Variants in DPYD observed in about 807,000 individuals in gnomAD.
DPYD encodes the protein dihydropyrimidine dehydrogenase [NADP(+)].
In DPYD, 109 loss-of-function variants were observed where a neutral mutation model predicts 116.2. That is an observed-to-expected ratio of 0.94 (90% CI 0.80 to 1.10). The LOEUF (loss-of-function observed/expected upper bound fraction) is 1.10, where lower values mean the gene tolerates loss of function less well. DPYD is among the 50% of genes least tolerant of loss of function. The pLI is 0.00. For missense variants in DPYD, 1,302 were observed against 1,254.5 expected (o/e 1.04, Z -0.57); for synonymous variants, 440 against 432.0 (o/e 1.02, Z -0.23).
intron 20 of DPYD, among the ~76,000 whole-genome samples, chr1:97,147,576 A>G (rs1654717187): frequency 6.6e-6 from 1 of 152,198 alleles, no homozygotes; most frequent in Non-Finnish European, 1.5e-5. Flanking sequence ...GTCTACAGTT[A>G]TAGCGCAGAA....
intron 3 of DPYD, chr1:97,774,853 G>T: frequency 5.1e-6 from 1 of 196,792 alleles, no homozygotes; most frequent in South Asian, 1.1e-4. Context: ...TGACGATTTT[G>T]AACATTTTAA....
chr1:97,195,569 C>CATAT (rs1200424384), intron 19 of DPYD, among the ~76,000 whole-genome samples: 771 of 37,314 alleles, frequency 0.021, 15 homozygotes, highest in Non-Finnish European at 0.03. Context: ...ACAGAACTCT[C>CATAT]ATATATATAT....
intron 3 of DPYD, among the ~76,000 whole-genome samples, chr1:97,809,571 A>G (rs1335605222): frequency 6.6e-6 from 1 of 152,228 alleles, no homozygotes; most frequent in Non-Finnish European, 1.5e-5. Flanking sequence ...TTTAAAAAAG[A>G]CTAGAAGAGT....
At chr1:97,725,690 A>G (rs1663216072) in intron 4 of DPYD, among the ~76,000 whole-genome samples, 1 of 151,676 alleles carries the variant, frequency 6.6e-6, no homozygotes, top group Non-Finnish European at 1.5e-5. Flanking sequence ...AGGCAATTCA[A>G]TTGGAAAGAA....
intron 20 of DPYD, among the ~76,000 whole-genome samples, chr1:97,154,018 G>A (rs2101726142): frequency 6.7e-6 from 1 of 149,622 alleles, no homozygotes; most frequent in East Asian, 2.0e-4. Context: ...GTGATGTGAT[G>A]AAAAGGGAAC....
intron 16 of DPYD, among the ~76,000 whole-genome samples, chr1:97,329,003 T>A (rs1417673468): frequency 7.9e-5 from 12 of 152,136 alleles, no homozygotes; most frequent in African/African-American, 2.9e-4. Flanking sequence ...TTGTTTAAAG[T>A]TTGATTAGAG....
chr1:97,322,334 TTTTG>T (rs74939310), intron 16 of DPYD, among the ~76,000 whole-genome samples: 36,514 of 151,472 alleles, frequency 0.24, 5,477 homozygotes, highest in Admixed American at 0.39. Flanking sequence ...ATCTAGGCCA[TTTTG>T]TTTGTTTGTT....
At chr1:97,402,188 A>G (rs1487591132) in intron 14 of DPYD, among the ~76,000 whole-genome samples, 1 of 152,074 alleles carries the variant, frequency 6.6e-6, no homozygotes, top group East Asian at 1.9e-4. Flanking sequence ...CTGTGATTAC[A>G]TTGCATCTAT....
intron 3 of DPYD, among the ~76,000 whole-genome samples, chr1:97,814,930 G>GAAATAA: frequency 9.1e-6 from 1 of 109,754 alleles, no homozygotes; most frequent in Admixed American, 1.1e-4. Flanking sequence ...AAGAAAGAGA[G>GAAATAA]AGGAAAGAAA....
intron 20 of DPYD, among the ~76,000 whole-genome samples, chr1:97,177,116 T>G (rs1657334819): frequency 6.6e-6 from 1 of 152,162 alleles, no homozygotes; most frequent in Admixed American, 6.6e-5. Flanking sequence ...ATATTATTAA[T>G]AACTGTTTAA....
chr1:97,327,275 C>T (rs2101141719), intron 16 of DPYD, among the ~76,000 whole-genome samples: 1 of 152,124 alleles, frequency 6.6e-6, no homozygotes, highest in South Asian at 2.1e-4. Flanking sequence ...GACTCTGCTT[C>T]TCATAATATT....
At chr1:97,495,767 C>T (rs1679226805) in intron 13 of DPYD, among the ~76,000 whole-genome samples, 1 of 151,954 alleles carries the variant, frequency 6.6e-6, no homozygotes, top group Admixed American at 6.6e-5. Context: ...ATTTAACATC[C>T]TGTTCTGTTA....
intron 13 of DPYD, chr1:97,514,105 G>A (rs1305730333): frequency 2.7e-6 from 2 of 741,108 alleles, no homozygotes; most frequent in Non-Finnish European, 3.3e-6. Context: ...CTCCCCTTTT[G>A]AACCAGCATC....
chr1:97,142,283 C>A (rs1654283451), intron 20 of DPYD, among the ~76,000 whole-genome samples: 1 of 152,096 alleles, frequency 6.6e-6, no homozygotes, highest in African/African-American at 2.4e-5. Context: ...TAGACTTTGG[C>A]AAGCATTTCT....
intron 14 of DPYD, among the ~76,000 whole-genome samples, chr1:97,390,520 T>C (rs1209001290): frequency 1.3e-5 from 2 of 152,080 alleles, no homozygotes; most frequent in Non-Finnish European, 1.5e-5. Flanking sequence ...CTGAAATATA[T>C]ACATTGACTA....
intron 16 of DPYD, among the ~76,000 whole-genome samples, chr1:97,364,599 GAACAAA>G (rs1381707780): frequency 4.6e-5 from 7 of 152,014 alleles, no homozygotes; most frequent in Non-Finnish European, 8.8e-5. Flanking sequence ...TTTGGTGAGA[GAACAAA>G]AACAAAGTTA....
At chr1:97,309,332 TG>T (rs1212187385) in intron 16 of DPYD, among the ~76,000 whole-genome samples, 1 of 5,080 alleles carries the variant, frequency 2.0e-4, no homozygotes, top group Non-Finnish European at 3.0e-4. Context: ...TTGCTTGTCT[TG>T]TGTGTGTGTG....
At chr1:97,848,934 A>G (rs1670442342) in intron 2 of DPYD, among the ~76,000 whole-genome samples, 1 of 152,224 alleles carries the variant, frequency 6.6e-6, no homozygotes, top group Admixed American at 6.5e-5. Context: ...TCTAAATATT[A>G]GAAAGAAAAT....
chr1:97,264,552 A>G (rs187457460), intron 18 of DPYD, among the ~76,000 whole-genome samples: 1 of 152,248 alleles, frequency 6.6e-6, no homozygotes, highest in Admixed American at 6.5e-5. Context: ...TCCATTAATC[A>G]TATTTGTTTT....
Sources: gnomAD v4.1 joint callset for allele counts (sites outside exome capture counted in the v4.1 genomes callset) on GRCh38, gnomAD v4.1.1 for gene constraint, MANE v1.5 for transcripts, NCBI Gene and HGNC (gene_info 2026-07-23, HGNC 2026-07-21) for gene names.